MOV10L1: variants seen among roughly 807,000 people sequenced by gnomAD.
The protein encoded by MOV10L1 is Mov10 like RNA helicase 1, also known as RNA helicase Mov10l1.
In MOV10L1, 110 loss-of-function variants were observed where a neutral mutation model predicts 143.8. That is an observed-to-expected ratio of 0.76 (90% CI 0.66 to 0.90). MOV10L1 has a LOEUF of 0.90. MOV10L1 is among the 40% of genes least tolerant of loss of function. The pLI, the probability that MOV10L1 is intolerant of heterozygous loss-of-function variation, is 0.00. For synonymous variants in MOV10L1, 593 were observed against 581.1 expected (o/e 1.02, Z -0.29); for missense variants, 1,406 against 1,526.8 (o/e 0.92, Z 1.32).
chr22:50,117,030 A>G, intron 8 of MOV10L1, 127 bp from the exon 9 acceptor site: 1 of 867,982 alleles, frequency 1.2e-6, no homozygotes, highest in South Asian at 2.0e-5. Context: ...TTTCTCTGTA[A>G]AAAGAATTAT....
At chr22:50,092,478 AC>A (rs1414957793) in intron 2 of MOV10L1, among the ~76,000 whole-genome samples, 3 of 152,056 alleles carry the variant, frequency 2.0e-5, no homozygotes, top group African/African-American at 7.2e-5. Context: ...CAAAAAAAAA[AC>A]CCACAAAAGT....
At chr22:50,101,180 CTCACTCTTTT>C (rs2061735297) in intron 3 of MOV10L1, among the ~76,000 whole-genome samples, 1 of 152,100 alleles carries the variant, frequency 6.6e-6, no homozygotes, top group African/African-American at 2.4e-5. Context: ...AAGCTGCTGT[CTCACTCTTTT>C]TCACCTTGGT....
At chr22:50,161,325 G>A (rs767753011) in intron 26 of MOV10L1, 43 bp from the exon 27 acceptor site, 4 of 1,478,246 alleles carry the variant, frequency 2.7e-6, no homozygotes. Context: ...AGCCCGCTGT[G>A]GGAGCCTGGC....
rs559579088 is a variant in MOV10L1, at chr22:50,101,552, T to C, written c.442+1950T>C. Among the ~76,000 whole-genome samples, 4 of 147,686 alleles carry C rather than the reference T, an allele frequency of 2.7e-5. No individual in the cohort carries two copies. The South Asian group carries it at 9.0e-4, about 33-fold the overall frequency. ...TTCTTTGTTTGAGACAGAGTTTCGC[T>C]CTTGTTGCCCAGGCTCGAGTGCAGT... On this transcript the variant is annotated intron_variant, in intron 3 of 26. Transcript: ENST00000262794.
In MOV10L1 at chr22:50,149,678, C is replaced by T; in HGVS notation, c.2691C>T (p.Leu897=). The change falls in exon 20 of 27, where the codon CTC becomes CTT. Residue 897 remains leucine (L), a synonymous_variant. Transcript: ENST00000262794. ...EAGQASEPEC[L]IPLGLMSDIS... ...GGCAGGCAAGTGAGCCGGAATGCCT[C>T]ATTCCTCTGGGGCTGATGTCGGACA... The T allele has an allele frequency of 1.2e-6, 2 of 1,614,042 alleles. No homozygotes were observed. The highest frequency in any genetic ancestry group is 1.3e-5 in the African/African-American group (1 of 75,050).
At chr22:50,090,400 C>G in intron 1 of MOV10L1, 1 of 1,564,506 alleles carries the variant, frequency 6.4e-7, no homozygotes, top group Non-Finnish European at 8.7e-7. Flanking sequence ...TCTGTGAGGT[C>G]TCTCCGGTGA....
Position 50,161,380 on chromosome 22 carries a change from G to A in MOV10L1, c.3567G>A (p.Gly1189=), listed in dbSNP as rs755631767. The A allele has an allele frequency of 2.8e-5, 44 of 1,598,888 alleles. No individual in the cohort carries two copies. Among genetic ancestry groups the A allele is most frequent in the East Asian group, 1.4e-4 (6 of 44,218 alleles). Residue 1189 remains glycine, a synonymous_variant, in exon 27 of 27, where the codon GGG becomes GGA. Transcript: ENST00000262794. ...CCTCTGTCTACAGCTGTGGCGAGGG[G>A]GTGGCAGACCCCTCCTACCCAGTGG... ...ALQSLQNCGE[G]VADPSYPVVP... is the part of the protein sequence containing the mutation.
intron 22 of MOV10L1, among the ~76,000 whole-genome samples, chr22:50,154,498 A>G (rs766338562): frequency 6.6e-6 from 1 of 151,698 alleles, no homozygotes; most frequent in Non-Finnish European, 1.5e-5. Flanking sequence ...AGCCCAGGAG[A>G]TTGAGGCTGC....
At chr22:50,118,918 C>T (rs1026631327) in intron 9 of MOV10L1, among the ~76,000 whole-genome samples, 3 of 152,142 alleles carry the variant, frequency 2.0e-5, no homozygotes, top group Non-Finnish European at 2.9e-5. Context: ...TGTTAGTCAT[C>T]GGTTTCTTTA....
chr22:50,158,077 A>C lies in MOV10L1; in HGVS notation c.3087A>C (p.Gly1029=). The C allele has an allele frequency of 6.2e-7, 1 of 1,613,604 alleles. No individual in the cohort carries two copies. Among genetic ancestry groups the C allele is most frequent in the East Asian group, 2.2e-5 (1 of 44,864 alleles). ...HGVRGSEARE[G]KSPSWFNPAE... ...CCCAGGGCAGCGAGGCACGGGAGGG[A>C]AAAAGCCCATCGTGGTTCAACCCGG... The change falls in exon 23 of 27, where the codon GGA becomes GGC. Residue 1029 remains glycine (G), a synonymous_variant. Coordinates refer to ENST00000262794, the MANE Select transcript of MOV10L1 (RefSeq NM_018995.3). The surrounding 1 kb of genome is among the most constrained non-coding windows in gnomAD (Gnocchi z 5.0).
chr22:50,150,842 C>G lies in MOV10L1; in HGVS notation c.2835C>G (p.Pro945=), dbSNP rs144147551. ...TTTTGGAACGGCTGATGTCTCGACC[C>G]GCGTACCAGAGGGACGAAAATGCTT... ...VSFLERLMSR[P]AYQRDENAFG... Residue 945 remains proline (P), a synonymous_variant, in exon 21 of 27, where the codon CCC becomes CCG. Transcript: ENST00000262794. The G allele has an allele frequency of 3.1e-6, 5 of 1,614,206 alleles. No individual in the cohort carries two copies. Among genetic ancestry groups the G allele is most frequent in the Admixed American group, 3.3e-5 (2 of 60,028 alleles).
intron 21 of MOV10L1, among the ~76,000 whole-genome samples, chr22:50,151,908 C>G (rs750251046): frequency 6.6e-6 from 1 of 152,226 alleles, no homozygotes; most frequent in Non-Finnish European, 1.5e-5. Context: ...GTGTCCTGCA[C>G]CCTCCAACCA....
At chr22:50,157,761 CAAAAAAAAA>C (rs35212822) in intron 22 of MOV10L1, among the ~76,000 whole-genome samples, 1 of 120,326 alleles carries the variant, frequency 8.3e-6, no homozygotes, top group African/African-American at 3.4e-5. Flanking sequence ...GGTCTAATAT[CAAAAAAAAA>C]AAAAAAAAAA....
intron 13 of MOV10L1, among the ~76,000 whole-genome samples, chr22:50,132,859 A>T (rs1236410634): frequency 2.0e-5 from 3 of 151,994 alleles, no homozygotes; most frequent in Non-Finnish European, 4.4e-5. Context: ...ACATGGGGAA[A>T]CCCCATCTCT....
At position 50,114,352 on chromosome 22, in the gene MOV10L1, T is replaced by TG. The variant is rs752415509; in HGVS notation, c.885-28dup. The stretch of plus-strand genomic sequence containing the variant: ...ATATTTTGGTTTTAGAAATCCTGGC[T>TG]GTGTTCATAGTTAATTGTATTTTTC... On this transcript the variant is annotated intron_variant, in intron 6 of 26. Transcript: ENST00000262794. 4.4e-6 allele frequency: 7 copies of TG among 1,605,104 alleles called. No homozygotes were observed. In the African/African-American group the frequency reaches 9.4e-5, roughly 22 times the overall value.
chr22:50,095,718 G>C (rs1217978893), intron 2 of MOV10L1: 1 of 151,896 alleles, frequency 6.6e-6, no homozygotes, highest in Non-Finnish European at 1.5e-5. Context: ...TGGAAAAACT[G>C]GCCCCTGGGT....
intron 12 of MOV10L1, among the ~76,000 whole-genome samples, chr22:50,127,160 A>G (rs924496286): frequency 1.3e-5 from 2 of 152,130 alleles, no homozygotes; most frequent in African/African-American, 2.4e-5. Flanking sequence ...CCGAATGACC[A>G]TCTTAGCCTC....
Position 50,143,036 on chromosome 22 carries a change from A to T in MOV10L1, c.2180-7A>T. On this transcript the variant is annotated splice_polypyrimidine_tract_variant and splice_region_variant and intron_variant, in intron 16 of 26. Transcript: ENST00000262794. ...TCTAACTGAAACTTTCTTCACTTTGAATACAGTAGATGAAATTCAGACCCC... is the reference window on the plus strand; with the variant it reads ...TCTAACTGAAACTTTCTTCACTTTGTATACAGTAGATGAAATTCAGACCCC... 6.2e-7 allele frequency: 1 copy of T among 1,613,330 alleles called. No individual in the cohort carries two copies.
chr22:50,103,727 C>T (rs2061802703), intron 3 of MOV10L1, among the ~76,000 whole-genome samples: 1 of 152,080 alleles, frequency 6.6e-6, no homozygotes. Context: ...GTCCGTGTGG[C>T]CGCAGCACCC....
Sources: allele counts gnomAD v4.1 joint callset (sites outside exome capture counted in the v4.1 genomes callset), GRCh38; gene constraint gnomAD v4.1.1; non-coding constraint Gnocchi (gnomAD v3.1); transcripts MANE v1.5; gene names NCBI Gene and HGNC (gene_info 2026-07-23, HGNC 2026-07-21).